The following KDM4D variants were observed in gnomAD, a reference collection of about 807,000 sequenced individuals.
The protein encoded by KDM4D is lysine demethylase 4D.
For missense variants in KDM4D, 427 were observed against 674.8 expected (o/e 0.63, Z 4.07); for synonymous variants, 254 against 249.1 (o/e 1.02, Z -0.19).
chr11:94,975,487 G>C (rs1565416331), intron 1 of KDM4D, among the ~76,000 whole-genome samples, 167 bp from the exon 2 acceptor site: 1 of 151,998 alleles, frequency 6.6e-6, no homozygotes, highest in Non-Finnish European at 1.5e-5. Flanking sequence ...TGTAAAATGG[G>C]CGTAATTCTA....
intron 2 of KDM4D, among the ~76,000 whole-genome samples, chr11:94,990,473 C>T (rs782248610): frequency 4.6e-5 from 7 of 152,106 alleles, no homozygotes; most frequent in African/African-American, 1.4e-4. Context: ...ACTGGAACTA[C>T]GTTTGTATAA....
At chr11:94,991,647 T>G (rs1033844723) in intron 2 of KDM4D, among the ~76,000 whole-genome samples, 3 of 151,768 alleles carry the variant, frequency 2.0e-5, no homozygotes, top group African/African-American at 7.3e-5. Context: ...ATGAAGAAAT[T>G]TTTTAGAAGA....
intron 1 of KDM4D, among the ~76,000 whole-genome samples, chr11:94,974,776 A>G (rs1555096784): frequency 6.6e-6 from 1 of 152,144 alleles, no homozygotes; most frequent in African/African-American, 2.4e-5. Context: ...CTCACCCGCA[A>G]TTTTATTCTA....
chr11:94,998,396 C>A lies in KDM4D; in HGVS notation c.1024C>A (p.Arg342=), dbSNP rs150271801. The part of the protein sequence containing the change: ...RYDLWKRGQD[R]AVVDHMEPRV... Reference sequence around the variant, plus strand: ...TGACCTGTGGAAACGTGGGCAAGACCGGGCAGTTGTGGACCACATGGAGCC... The same window carrying A: ...TGACCTGTGGAAACGTGGGCAAGACAGGGCAGTTGTGGACCACATGGAGCC... Residue 342 remains arginine (R), a synonymous_variant, in exon 3 of 3, where the codon CGG becomes AGG. Transcript: ENST00000335080. This position sits in a 1 kb window ranked among gnomAD's most constrained non-coding sequence, Gnocchi z 6.7. 3.7e-6 allele frequency: 6 copies of A among 1,613,964 alleles called. No individual in the cohort carries two copies. In the African/African-American group the frequency reaches 8.0e-5, roughly 22 times the overall value.
chr11:94,995,354 C>G (rs1565419868), intron 2 of KDM4D, among the ~76,000 whole-genome samples: 3 of 152,088 alleles, frequency 2.0e-5, no homozygotes, highest in East Asian at 3.9e-4. Context: ...AGGGGTCTGT[C>G]TAAATGAAGT....
At chr11:94,979,937 G>T (rs868948107) in intron 2 of KDM4D, among the ~76,000 whole-genome samples, 2 of 152,104 alleles carry the variant, frequency 1.3e-5, no homozygotes, top group South Asian at 4.1e-4. Flanking sequence ...TATCATTGAG[G>T]TCTCAGTTTG....
At chr11:94,974,138 T>C (rs1187068871) in intron 1 of KDM4D, 70 bp downstream of exon 1, 1 of 152,254 alleles carries the variant, frequency 6.6e-6, no homozygotes, top group Non-Finnish European at 1.5e-5. Context: ...TAAAATTTCT[T>C]ATTTAAAAAA....
In KDM4D at chr11:94,996,515, C is replaced by T. The variant is rs587744900; in HGVS notation, c.-349-509C>T. Among the ~76,000 whole-genome samples the T allele has an allele frequency of 2.0e-5, 3 of 152,308 alleles. No homozygotes were observed. The East Asian group carries it at 5.8e-4, about 29-fold the overall frequency. On this transcript the variant is annotated intron_variant, in intron 2 of 2. Transcript: ENST00000335080. ...ATGCAATTGTGTAATAGGTATTCTT[C>T]TGAGTCTTGATAATGTTACTCAATA...
intron 2 of KDM4D, among the ~76,000 whole-genome samples, chr11:94,978,213 A>G (rs1047570825): frequency 3.9e-4 from 60 of 152,272 alleles, no homozygotes; most frequent in African/African-American, 1.2e-3. Context: ...CTCCAATTCT[A>G]CTAAACTCTC....
Position 94,979,693 on chromosome 11 carries a change from T to C in KDM4D, c.-350+3945T>C, listed in dbSNP as rs587769881. Among the ~76,000 whole-genome samples, 6 of 152,380 alleles carry C rather than the reference T, an allele frequency of 3.9e-5. No homozygotes were observed. The East Asian group carries it at 5.8e-4, about 15-fold the overall frequency. On this transcript the variant is annotated intron_variant, in intron 2 of 2. Transcript: ENST00000335080. ...CTCTGATATACTATTTAGAGTTTCATTGTATAAAAATACACACCATAACTT... is the reference window on the plus strand; with the variant it reads ...CTCTGATATACTATTTAGAGTTTCACTGTATAAAAATACACACCATAACTT...
chr11:94,974,748 A>G (rs1335764905), intron 1 of KDM4D, among the ~76,000 whole-genome samples: 5 of 152,200 alleles, frequency 3.3e-5, no homozygotes, highest in Non-Finnish European at 7.3e-5. Context: ...ACAGGTCTTA[A>G]CAATTCTACT....
Position 94,997,589 on chromosome 11 carries a change from A to G in KDM4D, c.217A>G (p.Thr73Ala). ...TAATATCAGTGAAATCTTAATAGCC[A>G]CTCCCCTCCAGCAGGTGGCCTCTGG... is the stretch of plus-strand genomic sequence containing the variant. ...YDNISEILIA[T>A]PLQQVASGRA... The change falls in exon 3 of 3, where the codon ACT (threonine) becomes GCT (alanine). Residue 73 changes from threonine to alanine, a missense_variant. Coordinates refer to ENST00000335080, the MANE Select transcript of KDM4D (RefSeq NM_018039.3). 1 of 1,613,614 alleles carries G rather than the reference A, an allele frequency of 6.2e-7. No individual in the cohort carries two copies. The highest frequency in any genetic ancestry group is 8.5e-7 in the Non-Finnish European group (1 of 1,179,870).
intron 2 of KDM4D, among the ~76,000 whole-genome samples, chr11:94,989,909 C>T (rs1857920780): frequency 6.6e-6 from 1 of 151,982 alleles, no homozygotes; most frequent in African/African-American, 2.4e-5. Context: ...TTACAGGCCA[C>T]CACCACGTCC....
intron 2 of KDM4D, among the ~76,000 whole-genome samples, chr11:94,987,416 A>G (rs1414073120): frequency 6.6e-6 from 1 of 152,226 alleles, no homozygotes; most frequent in African/African-American, 2.4e-5. Context: ...TTCTCAAAAC[A>G]AAAACTCGGA....
Position 94,997,564 on chromosome 11 carries a change from T to A in KDM4D, c.192T>A (p.Asp64Glu). 6.2e-7 allele frequency: 1 copy of A among 1,614,020 alleles called. No homozygotes were observed. Among genetic ancestry groups the A allele is most frequent in the South Asian group, 1.1e-5 (1 of 91,018 alleles). The change falls in exon 3 of 3, where the codon GAT becomes GAA. Residue 64 changes from aspartate (D) to glutamate (E), a missense_variant. Transcript: ENST00000335080. ...PKEWKARETYDNISEILIATP... is the reference protein window; with the variant it reads ...PKEWKARETYENISEILIATP... Reference sequence around the variant, plus strand: ...AATGGAAAGCCAGAGAGACCTATGATAATATCAGTGAAATCTTAATAGCCA... The same window carrying A: ...AATGGAAAGCCAGAGAGACCTATGAAAATATCAGTGAAATCTTAATAGCCA...
intron 2 of KDM4D, among the ~76,000 whole-genome samples, chr11:94,978,040 A>G (rs954903385): frequency 2.0e-5 from 3 of 152,230 alleles, no homozygotes; most frequent in Non-Finnish European, 4.4e-5. Flanking sequence ...TGAAGATATG[A>G]TAAGACCCAG....
At chr11:94,985,536 A>G (rs1461908115) in intron 2 of KDM4D, among the ~76,000 whole-genome samples, 1 of 152,188 alleles carries the variant, frequency 6.6e-6, no homozygotes, top group African/African-American at 2.4e-5. Context: ...ATGCAATCCT[A>G]CCATCATTCC....
intron 2 of KDM4D, among the ~76,000 whole-genome samples, chr11:94,996,721 C>A (rs587694324): frequency 3.3e-5 from 5 of 152,276 alleles, no homozygotes; most frequent in African/African-American, 1.2e-4. Context: ...ATGTGACTTT[C>A]AGCTCACAAC....
chr11:94,978,063 C>A (rs1276598234), intron 2 of KDM4D, among the ~76,000 whole-genome samples: 1 of 152,138 alleles, frequency 6.6e-6, no homozygotes, highest in Non-Finnish European at 1.5e-5. Flanking sequence ...ATATGACTTT[C>A]TTTCGGGAGA....
Sources: allele counts gnomAD v4.1 joint callset (sites outside exome capture counted in the v4.1 genomes callset), GRCh38; gene constraint gnomAD v4.1.1; non-coding constraint Gnocchi (gnomAD v3.1); transcripts MANE v1.5; gene names NCBI Gene and HGNC (gene_info 2026-07-23, HGNC 2026-07-21).